TVP23A: variants seen among roughly 807,000 people sequenced by gnomAD.
The protein encoded by TVP23A is Golgi apparatus membrane protein TVP23 homolog A.
TVP23A carries 21 observed loss-of-function variants against 31.7 expected under a neutral mutation model. That is an observed-to-expected ratio of 0.66 (90% CI 0.47 to 0.95). The LOEUF (loss-of-function observed/expected upper bound fraction) is 0.95. Ranked by LOEUF, TVP23A falls within the 40% of genes least tolerant of loss-of-function variation. TVP23A has a pLI of 0.00. For missense variants in TVP23A, 279 were observed against 255.6 expected, an observed-to-expected ratio of 1.09 and a Z score of -0.62; for synonymous variants, 104 against 96.0, an observed-to-expected ratio of 1.08 and a Z score of -0.49.
chr16:10,760,163 T>A (rs1000953181), downstream of TVP23A, among the ~76,000 whole-genome samples: 1 of 152,260 alleles, frequency 6.6e-6, no homozygotes, highest in African/African-American at 2.4e-5. Flanking sequence ...GTGTTTATAA[T>A]TATCTAGAGC....
In TVP23A at chr16:10,771,802, C is replaced by G. The variant is rs1304468523; in HGVS notation, c.454-4G>C. ...AGATCCCAGCAACCACCAGAGCCTG[C>G]ACTCAGACAAAGAAAGCAAAGGTCA... On this transcript the variant is annotated splice_polypyrimidine_tract_variant and splice_region_variant and intron_variant, in intron 5 of 7. Coordinates refer to ENST00000299866, the MANE Select transcript of TVP23A (RefSeq NM_001079512.4). 7 of 1,565,978 alleles carry G rather than the reference C, an allele frequency of 4.5e-6. No homozygotes were observed. In the African/African-American group the frequency reaches 9.5e-5, roughly 21 times the overall value.
chr16:10,773,862 C>T (rs1299157315), intron 4 of TVP23A, among the ~76,000 whole-genome samples, 177 bp downstream of exon 4: 2 of 152,204 alleles, frequency 1.3e-5, no homozygotes, highest in African/African-American at 2.4e-5. Context: ...TGAGCCACCA[C>T]GCCCGGTCTA....
intron 2 of TVP23A, among the ~76,000 whole-genome samples, chr16:10,808,003 G>T (rs865909532): frequency 1.3e-5 from 2 of 152,118 alleles, no homozygotes; most frequent in African/African-American, 2.4e-5. Flanking sequence ...GCATGCCACC[G>T]TGTCAGGCTC....
At position 10,810,690 on chromosome 16, in the gene TVP23A, G is replaced by C. The variant is rs183038625; in HGVS notation, c.89+7413C>G. 7.9e-5 allele frequency among the ~76,000 whole-genome samples: 12 copies of C among 152,270 alleles called. No individual in the cohort carries two copies. In the East Asian group the frequency reaches 2.1e-3, roughly 27 times the overall value. ...AATTTCCTCTCCCTGCTTGAGCTAG[G>C]ATAGCCGTCCTCATCTCCTCTCAGA... On this transcript the variant is annotated intron_variant, in intron 2 of 7. Coordinates refer to ENST00000299866, the MANE Select transcript of TVP23A (RefSeq NM_001079512.4).
At chr16:10,792,844 G>A (rs2033179580) in intron 2 of TVP23A, among the ~76,000 whole-genome samples, 1 of 152,248 alleles carries the variant, frequency 6.6e-6, no homozygotes, top group South Asian at 2.1e-4. Context: ...GGACTGTTGG[G>A]ATATCTGAGC....
chr16:10,810,862 C>T (rs1014110944), intron 2 of TVP23A, among the ~76,000 whole-genome samples: 1 of 152,154 alleles, frequency 6.6e-6, no homozygotes, highest in South Asian at 2.1e-4. Context: ...TTTATGCCAC[C>T]GGCGTTCCTG....
At chr16:10,783,235 T>C (rs937060643) in intron 2 of TVP23A, among the ~76,000 whole-genome samples, 1 of 152,244 alleles carries the variant, frequency 6.6e-6, no homozygotes, top group East Asian at 1.9e-4. Context: ...CAAGTCACTC[T>C]GAACATTTTA....
At chr16:10,790,279 A>ATTTTTTTTT (rs376916439) in intron 2 of TVP23A, among the ~76,000 whole-genome samples, 1 of 114,536 alleles carries the variant, frequency 8.7e-6, no homozygotes, top group Non-Finnish European at 1.7e-5. Flanking sequence ...TTGGGGTAAA[A>ATTTTTTTTT]TTTTTTTTTT....
intron 2 of TVP23A, 22 bp from the exon 3 acceptor site, chr16:10,775,118 G>T: frequency 6.3e-7 from 1 of 1,596,678 alleles, no homozygotes; most frequent in South Asian, 1.1e-5. Flanking sequence ...CCCAGAAGGC[G>T]CCCTCACTCC....
chr16:10,805,895 T>C (rs1017677929), intron 2 of TVP23A, among the ~76,000 whole-genome samples: 2 of 151,996 alleles, frequency 1.3e-5, no homozygotes, highest in Non-Finnish European at 2.9e-5. Context: ...CTCAAAGAGG[T>C]GGGCGATCTG....
At chr16:10,761,579 G>A in intron 8 of TVP23A, 1 of 1,106,588 alleles carries the variant, frequency 9.0e-7, no homozygotes. Context: ...CTGTCATTTT[G>A]GGAAGTGGAA....
intron 2 of TVP23A, among the ~76,000 whole-genome samples, chr16:10,789,386 G>A (rs548037616): frequency 3.3e-5 from 5 of 152,238 alleles, no homozygotes; most frequent in East Asian, 1.9e-4. Flanking sequence ...TAAAACATTT[G>A]ATGAGATTTA....
rs1206082861 is a variant in TVP23A at position 10,818,435 on chromosome 16, G to T, written c.9+50C>A. Reference sequence around the variant, plus strand: ...CCCGGCTTCTCCAGCGCTCCCGCAGGCTCCCCTCGTCCCGCCCCGCCTCCA... The same window carrying T: ...CCCGGCTTCTCCAGCGCTCCCGCAGTCTCCCCTCGTCCCGCCCCGCCTCCA... On this transcript the variant is annotated intron_variant, in intron 1 of 7. Coordinates refer to ENST00000299866, the MANE Select transcript of TVP23A (RefSeq NM_001079512.4). This position sits in a 1 kb window ranked among gnomAD's most constrained non-coding sequence, Gnocchi z 4.7. The T allele has an allele frequency of 1.3e-6, 2 of 1,590,638 alleles. No individual in the cohort carries two copies. Among genetic ancestry groups the T allele is most frequent in the Non-Finnish European group, 8.5e-7 (1 of 1,172,826 alleles).
intron 2 of TVP23A, among the ~76,000 whole-genome samples, chr16:10,791,237 C>G (rs1434203856): frequency 6.6e-6 from 1 of 152,124 alleles, no homozygotes; most frequent in East Asian, 1.9e-4. Flanking sequence ...TTTGGACATC[C>G]TTTGTCAGAC....
chr16:10,770,160 C>G, intron 7 of TVP23A, 112 bp downstream of exon 7: 3 of 1,328,684 alleles, frequency 2.3e-6, no homozygotes, highest in Non-Finnish European at 3.1e-6. Context: ...CATGCCTGGC[C>G]ACCCCAGGGA....
chr16:10,785,838 C>A (rs956521693), intron 2 of TVP23A, among the ~76,000 whole-genome samples: 7 of 152,158 alleles, frequency 4.6e-5, no homozygotes, highest in African/African-American at 1.4e-4. Context: ...TTTGCTCTGG[C>A]CCCCTGGCTC....
intron 2 of TVP23A, among the ~76,000 whole-genome samples, chr16:10,799,060 A>C (rs1227462797): frequency 6.6e-6 from 1 of 152,210 alleles, no homozygotes; most frequent in African/African-American, 2.4e-5. Context: ...CCACATGGCA[A>C]GGAACTGAGG....
At chr16:10,781,098 G>A (rs1297764580) in intron 2 of TVP23A, among the ~76,000 whole-genome samples, 1 of 152,126 alleles carries the variant, frequency 6.6e-6, no homozygotes, top group Non-Finnish European at 1.5e-5. Flanking sequence ...GGAGGCAGAG[G>A]TGGGCAGATT....
At chr16:10,793,240 C>T (rs1313627999) in intron 2 of TVP23A, among the ~76,000 whole-genome samples, 1 of 152,174 alleles carries the variant, frequency 6.6e-6, no homozygotes, top group Non-Finnish European at 1.5e-5. Flanking sequence ...CGCACCACTG[C>T]ACTCCAGCCT....
Sources: gnomAD v4.1 joint callset for allele counts (sites outside exome capture counted in the v4.1 genomes callset) on GRCh38, gnomAD v4.1.1 for gene constraint, Gnocchi (gnomAD v3.1) non-coding constraint, MANE v1.5 for transcripts, NCBI Gene and HGNC (gene_info 2026-07-23, HGNC 2026-07-21) for gene names.